GRM7: variants seen among roughly 807,000 people sequenced by gnomAD.
The protein encoded by GRM7 is glutamate metabotropic receptor 7, also known as metabotropic glutamate receptor 7.
GRM7 carries 35 observed loss-of-function variants against 84.5 expected under a neutral mutation model. That is an observed-to-expected ratio of 0.41 (90% confidence interval 0.32 to 0.55). GRM7 has a LOEUF of 0.55. Among genes scored for constraint, GRM7 ranks in the 20% least tolerant of loss-of-function variants. The pLI, the probability that GRM7 is intolerant of heterozygous loss-of-function variation, is 0.19. For missense variants in GRM7, 1,003 were observed against 1,194.6 expected (o/e 0.84, Z 2.36); for synonymous variants, 487 against 455.1 (o/e 1.07, Z -0.89).
intron 7 of GRM7, among the ~76,000 whole-genome samples, chr3:7,537,121 G>A: frequency 6.6e-6 from 1 of 152,174 alleles, no homozygotes; most frequent in East Asian, 1.9e-4. Flanking sequence ...CTGGAGGAGT[G>A]TGTGAGGACA....
intron 5 of GRM7, among the ~76,000 whole-genome samples, chr3:7,432,752 C>T (rs1322653799): frequency 1.3e-5 from 2 of 151,778 alleles, no homozygotes; most frequent in Non-Finnish European, 2.9e-5. Flanking sequence ...AATGATAAAA[C>T]ACTGAATGGA....
At chr3:6,989,751 C>T (rs114209945) in intron 1 of GRM7, among the ~76,000 whole-genome samples, 89 of 152,326 alleles carry the variant, frequency 5.8e-4, no homozygotes, top group African/African-American at 2.0e-3. Flanking sequence ...GTTAGAGGGA[C>T]GTAGTGTCTT....
intron 7 of GRM7, among the ~76,000 whole-genome samples, chr3:7,554,848 C>A (rs1446450790): frequency 6.6e-6 from 1 of 152,232 alleles, no homozygotes; most frequent in Non-Finnish European, 1.5e-5. Flanking sequence ...TTACTGCTTA[C>A]AGCATAAATA....
At chr3:7,612,136 A>T (rs1291222840) in intron 8 of GRM7, among the ~76,000 whole-genome samples, 1 of 152,140 alleles carries the variant, frequency 6.6e-6, no homozygotes, top group African/African-American at 2.4e-5. Flanking sequence ...AGCATGGTAG[A>T]ATGGCTAGAA....
At chr3:7,510,312 T>G (rs1344599856) in intron 7 of GRM7, among the ~76,000 whole-genome samples, 2 of 152,196 alleles carry the variant, frequency 1.3e-5, no homozygotes, top group Non-Finnish European at 2.9e-5. Flanking sequence ...CACAGATGAT[T>G]GTTTAAATAC....
At chr3:7,234,733 C>T (rs1266041513) in intron 2 of GRM7, among the ~76,000 whole-genome samples, 1 of 152,090 alleles carries the variant, frequency 6.6e-6, no homozygotes, top group Non-Finnish European at 1.5e-5. Flanking sequence ...TAAAAAAAGA[C>T]TTAATTGCAA....
chr3:6,900,563 T>C (rs1696346852), intron 1 of GRM7, among the ~76,000 whole-genome samples: 1 of 152,166 alleles, frequency 6.6e-6, no homozygotes, highest in South Asian at 2.1e-4. Context: ...GAGAGTATTC[T>C]TGAAAAAAAT....
chr3:6,966,709 G>A (rs977875831), intron 1 of GRM7, among the ~76,000 whole-genome samples: 5 of 152,168 alleles, frequency 3.3e-5, no homozygotes, highest in African/African-American at 1.2e-4. Context: ...AAAGAGGATG[G>A]TGGCTTAAAG....
intron 1 of GRM7, among the ~76,000 whole-genome samples, chr3:6,984,507 T>C (rs777510561): frequency 3.0e-4 from 46 of 152,180 alleles, no homozygotes; most frequent in Non-Finnish European, 6.3e-4. Flanking sequence ...CAAGAATTAT[T>C]CTTAATAGTA....
chr3:7,424,997 T>C (rs1420482127), intron 5 of GRM7, among the ~76,000 whole-genome samples: 4 of 152,156 alleles, frequency 2.6e-5, no homozygotes, highest in Non-Finnish European at 5.9e-5. Flanking sequence ...CAATGGTACA[T>C]AGAGCTTATT....
chr3:7,452,144 G>A (rs1697797169), intron 5 of GRM7, among the ~76,000 whole-genome samples: 1 of 152,174 alleles, frequency 6.6e-6, no homozygotes, highest in South Asian at 2.1e-4. Flanking sequence ...TTTCTAGCCT[G>A]AGCATCTGAA....
chr3:7,328,886 G>GGATGGAATTT (rs1489929590), intron 4 of GRM7, among the ~76,000 whole-genome samples: 11 of 152,054 alleles, frequency 7.2e-5, no homozygotes, highest in Non-Finnish European at 1.3e-4. Flanking sequence ...AGTATATGTG[G>GGATGGAATTT]GATGGATTTT....
intron 1 of GRM7, among the ~76,000 whole-genome samples, chr3:7,141,161 A>G (rs550757928): frequency 6.6e-6 from 1 of 152,174 alleles, no homozygotes; most frequent in Non-Finnish European, 1.5e-5. Flanking sequence ...AGTAATTAGA[A>G]AACTAACTGA....
chr3:7,655,995 A>G (rs1417382931), intron 8 of GRM7, among the ~76,000 whole-genome samples: 1 of 152,186 alleles, frequency 6.6e-6, no homozygotes, highest in African/African-American at 2.4e-5. Context: ...AACCCATAAA[A>G]TGAGAATAAT....
At chr3:6,911,042 C>T (rs1329979001) in intron 1 of GRM7, among the ~76,000 whole-genome samples, 1 of 152,156 alleles carries the variant, frequency 6.6e-6, no homozygotes, top group African/African-American at 2.4e-5. Flanking sequence ...TATTTGGTAT[C>T]AAGACATGAG....
intron 2 of GRM7, among the ~76,000 whole-genome samples, chr3:7,228,936 C>T (rs1305339664): frequency 6.6e-6 from 1 of 152,142 alleles, no homozygotes; most frequent in African/African-American, 2.4e-5. Context: ...TATTAAATAA[C>T]TTGAGAAATG....
chr3:7,685,821 C>G (rs1575631233), intron 9 of GRM7, among the ~76,000 whole-genome samples: 1 of 151,122 alleles, frequency 6.6e-6, no homozygotes, highest in South Asian at 2.1e-4. Flanking sequence ...AGAATTCAGA[C>G]TGCTGGAAAA....
intron 8 of GRM7, among the ~76,000 whole-genome samples, chr3:7,652,437 A>G (rs915867148): frequency 2.6e-5 from 4 of 152,192 alleles, no homozygotes; most frequent in African/African-American, 9.6e-5. Context: ...GACTCATGGA[A>G]GGACTCTGGG....
At position 7,661,794 on chromosome 3, in the gene GRM7, C is replaced by CAAAAAAAAAAAAAAAAAAAAAAAAAAA. The variant is rs71043686; in HGVS notation, c.2452-18229_2452-18228insAAAAAAAAAAAAAAAAAAAAAAAAAAA. ...GGGCCACAGAGCGAGGTCTCCGTCT[C>CAAAAAAAAAAAAAAAAAAAAAAAAAAA]AAAAAAAAAAAAAAAAAAAAAAAAA... On this transcript the variant is annotated intron_variant, in intron 8 of 9. Coordinates refer to ENST00000357716, the MANE Select transcript of GRM7 (RefSeq NM_000844.4). Among the ~76,000 whole-genome samples the CAAAAAAAAAAAAAAAAAAAAAAAAAAA allele has an allele frequency of 9.2e-4, 26 of 28,192 alleles. 1 individual carries two copies. The highest frequency in any genetic ancestry group is 1.4e-3 in the Admixed American group (2 of 1,440). The allele number at this position is 28,192 out of a possible 152,430, so 18.5% of individuals were successfully genotyped here. A position where few individuals can be genotyped will look rare whatever the true frequency, so the allele number is the denominator to read the frequency against.
Sources: allele counts gnomAD v4.1 joint callset (sites outside exome capture counted in the v4.1 genomes callset), GRCh38; gene constraint gnomAD v4.1.1; transcripts MANE v1.5; gene names NCBI Gene and HGNC (gene_info 2026-07-23, HGNC 2026-07-21).